SEMA3E: variants seen among roughly 807,000 people sequenced by gnomAD.
SEMA3E encodes the protein semaphorin-3E.
A neutral mutation model predicts 93.6 loss-of-function variants in SEMA3E; 49 were observed. The ratio of observed to expected loss-of-function variants is 0.52; its 90% CI spans 0.42 to 0.66. The LOEUF (loss-of-function observed/expected upper bound fraction) is 0.66, where lower values mean the gene tolerates loss of function less well. Among genes scored for constraint, SEMA3E ranks in the 30% least tolerant of loss-of-function variants. The probability of loss-of-function intolerance (pLI) is 0.00; values close to 1 mark genes in which losing one functional copy is unlikely to be tolerated. For missense variants in SEMA3E, 906 were observed against 964.8 expected (o/e 0.94, Z 0.81); for synonymous variants, 363 against 330.7 (o/e 1.10, Z -1.06).
chr7:83,492,566 C>G (rs573378704), intron 1 of SEMA3E, among the ~76,000 whole-genome samples: 83 of 152,050 alleles, frequency 5.5e-4, no homozygotes, highest in African/African-American at 2.0e-3. Flanking sequence ...TTCTTCCTCT[C>G]TATGGCCAAA....
chr7:83,534,044 T>A (rs1314476484), intron 1 of SEMA3E, among the ~76,000 whole-genome samples: 1 of 152,254 alleles, frequency 6.6e-6, no homozygotes, highest in Non-Finnish European at 1.5e-5. Flanking sequence ...ATTTTTAAGC[T>A]TCTGCCAATT....
chr7:83,628,433 C>T (rs1793719257), intron 1 of SEMA3E, among the ~76,000 whole-genome samples: 1 of 152,076 alleles, frequency 6.6e-6, no homozygotes, highest in Admixed American at 6.5e-5. Context: ...ACCAATGAAA[C>T]ATAGTTTGGT....
chr7:83,527,986 G>T (rs1311688186), intron 1 of SEMA3E, among the ~76,000 whole-genome samples: 1 of 151,882 alleles, frequency 6.6e-6, no homozygotes, highest in Admixed American at 6.6e-5. Context: ...AAACAAAAAC[G>T]TTATAACCCA....
chr7:83,587,548 A>G (rs1424804418), intron 1 of SEMA3E, among the ~76,000 whole-genome samples: 2 of 152,148 alleles, frequency 1.3e-5, no homozygotes, highest in Non-Finnish European at 1.5e-5. Flanking sequence ...TTTGGCTTTT[A>G]AAAATAACTT....
At chr7:83,387,199 GT>G (rs1787899271) in intron 14 of SEMA3E, 149 bp from the exon 15 acceptor site, 2 of 703,038 alleles carry the variant, frequency 2.8e-6, no homozygotes, top group Admixed American at 2.3e-5. Context: ...AAGTTTCATA[GT>G]TTTTCATATT....
intron 1 of SEMA3E, among the ~76,000 whole-genome samples, chr7:83,620,954 T>A (rs1029086712): frequency 2.6e-5 from 4 of 152,142 alleles, no homozygotes; most frequent in African/African-American, 9.7e-5. Context: ...ATGCCTTCTC[T>A]CACCACTCTT....
At chr7:83,594,064 T>A (rs1375270666) in intron 1 of SEMA3E, among the ~76,000 whole-genome samples, 2 of 152,174 alleles carry the variant, frequency 1.3e-5, no homozygotes, top group East Asian at 3.9e-4. Context: ...ATCACCAGCA[T>A]CTTTAGTATT....
chr7:83,588,761 T>C (rs1214509426), intron 1 of SEMA3E, among the ~76,000 whole-genome samples: 1 of 152,152 alleles, frequency 6.6e-6, no homozygotes, highest in East Asian at 1.9e-4. Flanking sequence ...GCATGAAAAG[T>C]AAATGAGTCA....
intron 11 of SEMA3E, among the ~76,000 whole-genome samples, chr7:83,399,490 G>A (rs1315516319): frequency 1.3e-5 from 2 of 152,160 alleles, no homozygotes; most frequent in Admixed American, 1.3e-4. Flanking sequence ...TTTAGGTGAA[G>A]GTATTGTCCC....
chr7:83,440,846 G>A (rs972782003), intron 4 of SEMA3E, among the ~76,000 whole-genome samples: 1 of 151,626 alleles, frequency 6.6e-6, no homozygotes. Context: ...TAGGACAGCA[G>A]TGAGTAGCCC....
At chr7:83,573,161 C>CTGATAT (rs1751051224) in intron 1 of SEMA3E, among the ~76,000 whole-genome samples, 1 of 152,064 alleles carries the variant, frequency 6.6e-6, no homozygotes, top group Non-Finnish European at 1.5e-5. Flanking sequence ...CAACAAAGGT[C>CTGATAT]TGATATCCAG....
chr7:83,560,071 G>C (rs1299786887), intron 1 of SEMA3E, among the ~76,000 whole-genome samples: 2 of 152,100 alleles, frequency 1.3e-5, no homozygotes, highest in East Asian at 3.9e-4. Flanking sequence ...TGGGCGGGCT[G>C]GGGATGAATA....
intron 10 of SEMA3E, among the ~76,000 whole-genome samples, chr7:83,402,284 T>G (rs1303077585): frequency 6.6e-6 from 1 of 152,022 alleles, no homozygotes; most frequent in Non-Finnish European, 1.5e-5. Context: ...CTAACTCCTC[T>G]GAAGAGGCTG....
At chr7:83,612,552 T>C (rs759665374) in intron 1 of SEMA3E, 15 of 152,128 alleles carry the variant, frequency 9.9e-5, no homozygotes, top group Admixed American at 2.6e-4. Context: ...TTTCAATTGA[T>C]TAGAAAAATA....
chr7:83,517,624 G>A (rs1790957935), intron 1 of SEMA3E, among the ~76,000 whole-genome samples: 1 of 152,096 alleles, frequency 6.6e-6, no homozygotes, highest in African/African-American at 2.4e-5. Context: ...GTAGAATGGA[G>A]TGAGAATTAG....
At chr7:83,483,741 A>C (rs958556682) in intron 2 of SEMA3E, among the ~76,000 whole-genome samples, 1 of 152,172 alleles carries the variant, frequency 6.6e-6, no homozygotes, top group African/African-American at 2.4e-5. Flanking sequence ...TATAACAAGG[A>C]AGGAGGTGGG....
chr7:83,417,012 CACAGGGAG>C (rs1355881666), intron 5 of SEMA3E, among the ~76,000 whole-genome samples: 1 of 62,690 alleles, frequency 1.6e-5, no homozygotes, highest in Non-Finnish European at 4.8e-5. Flanking sequence ...CACACACACA[CACAGGGAG>C]AGAGAGAGAG....
intron 1 of SEMA3E, among the ~76,000 whole-genome samples, chr7:83,526,539 G>T (rs2115707425): frequency 6.6e-6 from 1 of 152,188 alleles, no homozygotes; most frequent in South Asian, 2.1e-4. Flanking sequence ...TAGGTGCTTG[G>T]CACTTTCAAT....
chr7:83,375,471 T>C (rs2116902654), intron 16 of SEMA3E, among the ~76,000 whole-genome samples: 1 of 152,206 alleles, frequency 6.6e-6, no homozygotes, highest in African/African-American at 2.4e-5. Flanking sequence ...TTATAGCTAT[T>C]CTGTAGAGTT....
Sources: gnomAD v4.1 joint callset for allele counts (sites outside exome capture counted in the v4.1 genomes callset) on GRCh38, gnomAD v4.1.1 for gene constraint, MANE v1.5 for transcripts, NCBI Gene and HGNC (gene_info 2026-07-23, HGNC 2026-07-21) for gene names.